Variants in PCDH15 observed in about 807,000 individuals in gnomAD.
PCDH15 encodes the protein protocadherin-15.
A neutral mutation model predicts 178.5 loss-of-function variants in PCDH15; 129 were observed. The observed-to-expected ratio is 0.72, with a 90% CI of 0.63 to 0.84. The LOEUF (loss-of-function observed/expected upper bound fraction) is 0.84, where lower values mean the gene tolerates loss of function less well. Among genes scored for constraint, PCDH15 ranks in the 40% least tolerant of loss-of-function variants. The probability of loss-of-function intolerance (pLI) is 0.00; values close to 1 mark genes in which losing one functional copy is unlikely to be tolerated. For synonymous variants in PCDH15, 800 were observed against 732.0 expected (o/e 1.09, Z -1.50); for missense variants, 2,230 against 2,099.9 (o/e 1.06, Z -1.21).
At chr10:55,527,371 T>C (rs757038420) in intron 2 of PCDH15, among the ~76,000 whole-genome samples, 3 of 152,034 alleles carry the variant, frequency 2.0e-5, no homozygotes, top group Admixed American at 6.6e-5. Context: ...GGTGATCTTG[T>C]AGATTGAGCT....
At chr10:54,561,736 G>A (rs1442442676) in intron 2 of PCDH15, among the ~76,000 whole-genome samples, 1 of 151,794 alleles carries the variant, frequency 6.6e-6, no homozygotes, top group African/African-American at 2.4e-5. Flanking sequence ...TAACTGGTTT[G>A]ATATTTGTTT....
intron 3 of PCDH15, among the ~76,000 whole-genome samples, chr10:54,831,892 C>T (rs183521156): frequency 5.9e-5 from 9 of 151,838 alleles, no homozygotes; most frequent in Non-Finnish European, 1.2e-4. Flanking sequence ...AAGACAGACA[C>T]GTTAACTTAT....
intron 25 of PCDH15, among the ~76,000 whole-genome samples, chr10:53,918,354 C>A (rs1375026954): frequency 6.6e-6 from 1 of 152,124 alleles, no homozygotes; most frequent in Non-Finnish European, 1.5e-5. Flanking sequence ...AGACTTCATT[C>A]CCAGGCATGG....
chr10:54,228,461 A>C (rs913933257), intron 9 of PCDH15, among the ~76,000 whole-genome samples: 1 of 152,180 alleles, frequency 6.6e-6, no homozygotes, highest in African/African-American at 2.4e-5. Context: ...AACACATAGG[A>C]ATTCAAAATG....
At chr10:55,621,807 CAA>C (rs111829421) in intron 2 of PCDH15, among the ~76,000 whole-genome samples, 1 of 139,480 alleles carries the variant, frequency 7.2e-6, no homozygotes, top group Admixed American at 7.3e-5. Flanking sequence ...GTGGTAATTA[CAA>C]AAAAAAAAGT....
chr10:54,911,806 C>T (rs115317297), intron 2 of PCDH15, among the ~76,000 whole-genome samples: 2,177 of 152,220 alleles, frequency 0.014, 28 homozygotes, highest in South Asian at 0.031. Context: ...CACCTTGTTA[C>T]GATGTGCCTT....
chr10:53,904,092 A>G (rs985193135), intron 25 of PCDH15, among the ~76,000 whole-genome samples: 2 of 152,206 alleles, frequency 1.3e-5, no homozygotes, highest in Non-Finnish European at 2.9e-5. Context: ...TTTAATGAGA[A>G]ATGTGGTACT....
In PCDH15 at chr10:53,823,222, G is replaced by A. The variant is rs1015498133; in HGVS notation, c.4368-2992C>T. The A allele has an allele frequency of 1.2e-6, 2 of 1,614,040 alleles. No individual in the cohort carries two copies. Among genetic ancestry groups the A allele is most frequent in the Non-Finnish European group, 8.5e-7 (1 of 1,179,964 alleles). ...GCAGACTTCAGTTTGTTGCTCTTAAGTGATCCGTCTACATGAGCTGACTTG... is the reference window on the plus strand; with the variant it reads ...GCAGACTTCAGTTTGTTGCTCTTAAATGATCCGTCTACATGAGCTGACTTG... On this transcript the variant is annotated intron_variant, in intron 32 of 37. Transcript: ENST00000644397.
At chr10:54,305,454 AG>A (rs1296021000) in intron 8 of PCDH15, among the ~76,000 whole-genome samples, 2 of 152,066 alleles carry the variant, frequency 1.3e-5, no homozygotes, top group Non-Finnish European at 2.9e-5. Context: ...TATTATAAAA[AG>A]TAAAATATAT....
At chr10:55,354,717 T>G (rs941938213) in intron 2 of PCDH15, among the ~76,000 whole-genome samples, 2 of 152,076 alleles carry the variant, frequency 1.3e-5, no homozygotes, top group African/African-American at 4.8e-5. Context: ...ACTAGAGAGC[T>G]TTTTGGTTGG....
chr10:55,199,266 C>T (rs567150864), intron 1 of PCDH15, among the ~76,000 whole-genome samples: 9 of 152,136 alleles, frequency 5.9e-5, no homozygotes, highest in African/African-American at 1.7e-4. Flanking sequence ...TATTGGGAAA[C>T]GGAGCAAAGA....
chr10:54,785,631 T>A (rs563594204), intron 1 of PCDH15, among the ~76,000 whole-genome samples: 1 of 152,072 alleles, frequency 6.6e-6, no homozygotes, highest in Non-Finnish European at 1.5e-5. Context: ...GGTAGCAACA[T>A]GAACGCAAAT....
intron 13 of PCDH15, among the ~76,000 whole-genome samples, chr10:54,178,547 C>T (rs1460360628): frequency 6.6e-6 from 1 of 151,808 alleles, no homozygotes; most frequent in Non-Finnish European, 1.5e-5. Context: ...GGAAGGAGTG[C>T]AGTCTAAGAC....
intron 18 of PCDH15, among the ~76,000 whole-genome samples, chr10:54,046,982 A>AAC (rs1343301022): frequency 6.6e-6 from 1 of 152,088 alleles, no homozygotes; most frequent in Non-Finnish European, 1.5e-5. Context: ...AACTGAACTG[A>AAC]ACTAAAGTGA....
intron 21 of PCDH15, among the ~76,000 whole-genome samples, chr10:53,977,154 A>C (rs1015390860): frequency 9.2e-5 from 14 of 152,048 alleles, no homozygotes; most frequent in African/African-American, 3.4e-4. Context: ...CACCTGATTA[A>C]AGCCAACCCT....
chr10:53,975,974 T>G (rs1371333395), intron 21 of PCDH15, among the ~76,000 whole-genome samples: 2 of 152,178 alleles, frequency 1.3e-5, no homozygotes, highest in African/African-American at 4.8e-5. Flanking sequence ...CCTAGTTTCA[T>G]TCTTCTGCAT....
chr10:54,352,362 A>G (rs1171427149), intron 5 of PCDH15, among the ~76,000 whole-genome samples: 5 of 152,148 alleles, frequency 3.3e-5, no homozygotes, highest in African/African-American at 1.2e-4. Flanking sequence ...ACAAAAGGAT[A>G]TTATTCAATT....
intron 1 of PCDH15, among the ~76,000 whole-genome samples, chr10:55,242,856 A>G (rs1488849143): frequency 6.6e-6 from 1 of 152,080 alleles, no homozygotes; most frequent in East Asian, 1.9e-4. Flanking sequence ...AAACAAACAA[A>G]CAAACAAAAA....
intron 3 of PCDH15, among the ~76,000 whole-genome samples, chr10:54,893,739 A>G (rs1954503458): frequency 6.6e-6 from 1 of 152,158 alleles, no homozygotes; most frequent in Non-Finnish European, 1.5e-5. Context: ...CATAAAATAT[A>G]ATAATTCATA....
Sources: gnomAD v4.1 joint callset for allele counts (sites outside exome capture counted in the v4.1 genomes callset) on GRCh38, gnomAD v4.1.1 for gene constraint, MANE v1.5 for transcripts, NCBI Gene and HGNC (gene_info 2026-07-23, HGNC 2026-07-21) for gene names.